KLHL1: variants seen among roughly 807,000 people sequenced by gnomAD.
KLHL1 encodes kelch-like protein 1.
A neutral mutation model predicts 77.7 loss-of-function variants in KLHL1; 47 were observed. The observed-to-expected ratio is 0.60, with a 90% CI of 0.48 to 0.77. KLHL1 has a LOEUF of 0.77. KLHL1 is among the 30% of genes least tolerant of loss of function. The pLI is 0.00. For missense variants in KLHL1, 925 were observed against 910.8 expected (o/e 1.02, Z -0.20); for synonymous variants, 360 against 325.2 (o/e 1.11, Z -1.15).
At chr13:69,720,537 A>G (rs1232968338) in intron 8 of KLHL1, among the ~76,000 whole-genome samples, 5 of 152,114 alleles carry the variant, frequency 3.3e-5, no homozygotes, top group African/African-American at 1.2e-4. Flanking sequence ...AATGTCATTT[A>G]CTACTGGGGA....
intron 7 of KLHL1, among the ~76,000 whole-genome samples, chr13:69,780,961 G>C (rs1486781291): frequency 2.7e-5 from 4 of 150,142 alleles, no homozygotes; most frequent in South Asian, 2.1e-4. Flanking sequence ...TGCACCCCCT[G>C]ATCTAACTGA....
intron 1 of KLHL1, among the ~76,000 whole-genome samples, chr13:70,009,455 T>A (rs1348971604): frequency 6.6e-6 from 1 of 152,132 alleles, no homozygotes; most frequent in Admixed American, 6.6e-5. Flanking sequence ...GGAAACCCAA[T>A]TTATTTCCCT....
intron 2 of KLHL1, among the ~76,000 whole-genome samples, chr13:69,971,730 T>G (rs1486364741): frequency 6.6e-6 from 1 of 152,180 alleles, no homozygotes; most frequent in South Asian, 2.1e-4. Flanking sequence ...TTTGCAACTA[T>G]AATAATTTCC....
At chr13:70,021,853 A>G (rs542278102) in intron 1 of KLHL1, among the ~76,000 whole-genome samples, 1 of 151,850 alleles carries the variant, frequency 6.6e-6, no homozygotes, top group African/African-American at 2.4e-5. Flanking sequence ...TTTGTTTTAT[A>G]TTGTTGAGCT....
At chr13:70,106,732 G>T (rs1024924222) in intron 1 of KLHL1, among the ~76,000 whole-genome samples, 5 of 152,126 alleles carry the variant, frequency 3.3e-5, no homozygotes, top group African/African-American at 1.2e-4. Flanking sequence ...GCCTCATTTT[G>T]TCCACCTCAT....
At chr13:70,067,246 T>A (rs1887029936) in intron 1 of KLHL1, among the ~76,000 whole-genome samples, 1 of 152,232 alleles carries the variant, frequency 6.6e-6, no homozygotes. Context: ...CATGTGAAAG[T>A]ACCCTCTACT....
intron 1 of KLHL1, among the ~76,000 whole-genome samples, chr13:70,050,981 G>T (rs1303645502): frequency 6.6e-6 from 1 of 151,892 alleles, no homozygotes. Flanking sequence ...ATTTTAAAAA[G>T]AAATTAGCAT....
intron 4 of KLHL1, among the ~76,000 whole-genome samples, chr13:69,909,284 T>C (rs1277673432): frequency 6.6e-6 from 1 of 151,840 alleles, no homozygotes; most frequent in Non-Finnish European, 1.5e-5. Flanking sequence ...ATAAGCACAC[T>C]TACAGATGCA....
At position 69,864,566 on chromosome 13, in the gene KLHL1, T is replaced by C. The variant is rs1270431492; in HGVS notation, c.1227+17717A>G. On this transcript the variant is annotated intron_variant, in intron 5 of 10. Transcript: ENST00000377844. ...TTTCAATATTTTATATAGCACCATATAAAAAATCAAATTCAATTTTTCAAA... is the reference window on the plus strand; with the variant it reads ...TTTCAATATTTTATATAGCACCATACAAAAAATCAAATTCAATTTTTCAAA... Among the ~76,000 whole-genome samples, 5 of 152,056 alleles carry C rather than the reference T, an allele frequency of 3.3e-5. No individual in the cohort carries two copies. The East Asian group carries it at 5.8e-4, about 18-fold the overall frequency.
intron 7 of KLHL1, among the ~76,000 whole-genome samples, chr13:69,758,240 C>A (rs1289055782): frequency 2.0e-5 from 3 of 151,778 alleles, no homozygotes; most frequent in Admixed American, 6.6e-5. Context: ...AAAGATAAAC[C>A]AATTTTTACT....
chr13:69,889,397 G>A (rs905657838), intron 4 of KLHL1, among the ~76,000 whole-genome samples: 1 of 151,968 alleles, frequency 6.6e-6, no homozygotes, highest in Admixed American at 6.6e-5. Flanking sequence ...CTCGCATATA[G>A]TCATACTCAT....
intron 6 of KLHL1, among the ~76,000 whole-genome samples, chr13:69,798,858 A>G (rs1259804415): frequency 1.3e-5 from 2 of 152,106 alleles, no homozygotes; most frequent in East Asian, 1.9e-4. Flanking sequence ...ATCTGAGGTC[A>G]GGAGACTGAG....
chr13:69,913,364 C>T (rs1420723892), intron 4 of KLHL1, among the ~76,000 whole-genome samples: 1 of 152,190 alleles, frequency 6.6e-6, no homozygotes, highest in Non-Finnish European at 1.5e-5. Context: ...AGATCACTAG[C>T]ACCTGCACTA....
chr13:70,085,223 C>G (rs953298246), intron 1 of KLHL1, among the ~76,000 whole-genome samples: 10 of 151,706 alleles, frequency 6.6e-5, no homozygotes, highest in Non-Finnish European at 1.2e-4. Context: ...CAGAAAGAGA[C>G]AGAGAGAGAG....
chr13:69,751,349 G>T (rs1168111677), intron 7 of KLHL1, among the ~76,000 whole-genome samples: 1 of 151,952 alleles, frequency 6.6e-6, no homozygotes, highest in Non-Finnish European at 1.5e-5. Flanking sequence ...ACGCGTACAG[G>T]TGGATATGAA....
intron 1 of KLHL1, among the ~76,000 whole-genome samples, chr13:70,017,183 G>A (rs138090549): frequency 6.6e-6 from 1 of 152,210 alleles, no homozygotes; most frequent in African/African-American, 2.4e-5. Flanking sequence ...TGAAAGAGCT[G>A]TTACACAAAC....
chr13:70,023,903 G>A (rs531023429), intron 1 of KLHL1, among the ~76,000 whole-genome samples: 1 of 151,990 alleles, frequency 6.6e-6, no homozygotes, highest in African/African-American at 2.4e-5. Context: ...GTTATAGTAA[G>A]TTTAGTAACT....
chr13:70,088,094 T>C (rs567981195), intron 1 of KLHL1, among the ~76,000 whole-genome samples: 31 of 152,186 alleles, frequency 2.0e-4, no homozygotes, highest in African/African-American at 7.5e-4. Flanking sequence ...CAAAAGTAGG[T>C]TTTTTAAAAG....
At chr13:69,802,033 C>G (rs971874783) in intron 6 of KLHL1, among the ~76,000 whole-genome samples, 1 of 151,998 alleles carries the variant, frequency 6.6e-6, no homozygotes, top group Non-Finnish European at 1.5e-5. Flanking sequence ...TACCCCCTGA[C>G]AGGCCCTGGT....
Sources: allele counts gnomAD v4.1 joint callset (sites outside exome capture counted in the v4.1 genomes callset), GRCh38; gene constraint gnomAD v4.1.1; transcripts MANE v1.5; gene names NCBI Gene and HGNC (gene_info 2026-07-23, HGNC 2026-07-21).